The following EXOC2 variants were observed in gnomAD, a reference collection of about 807,000 sequenced individuals.
EXOC2 encodes the protein exocyst complex component 2.
EXOC2 carries 70 observed loss-of-function variants against 131.8 expected under a neutral mutation model. The ratio of observed to expected loss-of-function variants is 0.53; its 90% CI spans 0.44 to 0.65. The LOEUF (loss-of-function observed/expected upper bound fraction) is 0.65, where lower values mean the gene tolerates loss of function less well. Ranked by LOEUF, EXOC2 falls within the 30% of genes least tolerant of loss-of-function variation. The pLI is 0.00. For synonymous variants in EXOC2, 411 were observed against 398.4 expected, an observed-to-expected ratio of 1.03 and a Z score of -0.38; for missense variants, 923 against 1,108.6, an observed-to-expected ratio of 0.83 and a Z score of 2.38.
At chr6:498,045 G>A (rs1208836321) in intron 24 of EXOC2, among the ~76,000 whole-genome samples, 1 of 152,196 alleles carries the variant, frequency 6.6e-6, no homozygotes, top group East Asian at 1.9e-4. Flanking sequence ...CAAACTGAGA[G>A]TTACTGTCTT....
At chr6:594,471 G>A (rs1390229365) in intron 10 of EXOC2, among the ~76,000 whole-genome samples, 1 of 152,186 alleles carries the variant, frequency 6.6e-6, no homozygotes, top group Non-Finnish European at 1.5e-5. Context: ...CAGATTTGGT[G>A]TTAGTAGTAA....
chr6:542,085 T>G (rs2127555410), intron 22 of EXOC2, among the ~76,000 whole-genome samples: 1 of 152,312 alleles, frequency 6.6e-6, no homozygotes, highest in African/African-American at 2.4e-5. Flanking sequence ...AAATATTGTT[T>G]AGAAACCACA....
intron 3 of EXOC2, among the ~76,000 whole-genome samples, chr6:630,526 A>C (rs979696365): frequency 8.5e-5 from 13 of 152,230 alleles, no homozygotes; most frequent in Non-Finnish European, 1.5e-4. Context: ...TTTTATATTT[A>C]ATACTGTGAG....
intron 22 of EXOC2, among the ~76,000 whole-genome samples, chr6:534,386 G>C (rs1406360241): frequency 6.6e-6 from 1 of 152,004 alleles, no homozygotes; most frequent in Non-Finnish European, 1.5e-5. Context: ...GGCAACTACT[G>C]TTAAAGTTTC....
intron 4 of EXOC2, among the ~76,000 whole-genome samples, chr6:629,349 G>GC (rs1761731825): frequency 6.6e-6 from 1 of 152,126 alleles, no homozygotes; most frequent in South Asian, 2.1e-4. Flanking sequence ...CAGTTATAAG[G>GC]CATCTTGAAA....
chr6:503,237 T>C (rs1764333425), intron 23 of EXOC2, among the ~76,000 whole-genome samples: 1 of 152,128 alleles, frequency 6.6e-6, no homozygotes, highest in Non-Finnish European at 1.5e-5. Flanking sequence ...TTCTCATTCA[T>C]TCAACTAACA....
At chr6:638,703 C>T (rs897118789) in intron 1 of EXOC2, among the ~76,000 whole-genome samples, 5 of 152,146 alleles carry the variant, frequency 3.3e-5, no homozygotes, top group Non-Finnish European at 5.9e-5. Flanking sequence ...GAGGCCGAGG[C>T]GGGCGGATCA....
intron 17 of EXOC2, among the ~76,000 whole-genome samples, chr6:557,383 G>A (rs1176032597): frequency 1.3e-5 from 2 of 152,288 alleles, no homozygotes; most frequent in East Asian, 1.9e-4. Context: ...ATTTTGGGAG[G>A]CTGCGGTGGG....
intron 23 of EXOC2, among the ~76,000 whole-genome samples, chr6:509,685 ACAACTGCTATGC>A (rs1194090933): frequency 6.6e-6 from 1 of 152,238 alleles, no homozygotes; most frequent in Non-Finnish European, 1.5e-5. Flanking sequence ...ATTACAATAA[ACAACTGCTATGC>A]CATCTTAACC....
At chr6:686,703 C>G (rs1764670739) in intron 1 of EXOC2, among the ~76,000 whole-genome samples, 1 of 152,186 alleles carries the variant, frequency 6.6e-6, no homozygotes, top group African/African-American at 2.4e-5. Context: ...CTTTATTCCC[C>G]CAGGAACCAT....
chr6:640,555 G>C (rs937730973), intron 1 of EXOC2, among the ~76,000 whole-genome samples: 1 of 152,178 alleles, frequency 6.6e-6, no homozygotes, highest in Non-Finnish European at 1.5e-5. Context: ...TTCAGAAAGG[G>C]GGCCTTTAAA....
intron 11 of EXOC2, among the ~76,000 whole-genome samples, chr6:584,270 A>C (rs1759078113): frequency 6.6e-6 from 1 of 152,234 alleles, no homozygotes; most frequent in Non-Finnish European, 1.5e-5. Context: ...GTAATACCAG[A>C]ATTATATGTA....
chr6:590,279 G>C (rs939619775), intron 11 of EXOC2, among the ~76,000 whole-genome samples: 10 of 152,154 alleles, frequency 6.6e-5, no homozygotes, highest in Admixed American at 6.5e-4. Context: ...AACATTTGCT[G>C]TCATTTTCAC....
In EXOC2 at chr6:654,269, C is replaced by T. The variant is rs561132520; in HGVS notation, c.-43-16408G>A. Among the ~76,000 whole-genome samples the T allele has an allele frequency of 4.3e-4, 66 of 152,208 alleles. 1 individual carries two copies. The highest frequency in any genetic ancestry group is 1.6e-3 in the African/African-American group (66 of 41,512). ...AATAAATTTTGTACGTTTATAGCTGCCATGGATACTGATTCTCTAATGGAT... is the reference window on the plus strand; with the variant it reads ...AATAAATTTTGTACGTTTATAGCTGTCATGGATACTGATTCTCTAATGGAT... On this transcript the variant is annotated intron_variant, in intron 1 of 27. Coordinates refer to ENST00000230449, the MANE Select transcript of EXOC2 (RefSeq NM_018303.6).
chr6:653,996 T>C (rs1762945862), intron 1 of EXOC2, among the ~76,000 whole-genome samples: 1 of 152,242 alleles, frequency 6.6e-6, no homozygotes. Flanking sequence ...CAACAGAGCC[T>C]ACATGACAGC....
At chr6:648,901 T>A (rs572755328) in intron 1 of EXOC2, among the ~76,000 whole-genome samples, 94 of 150,312 alleles carry the variant, frequency 6.3e-4, no homozygotes, top group Middle Eastern at 6.9e-3. Context: ...TTTGTTATAT[T>A]TTTTTTTTAA....
chr6:688,444 C>T (rs545106165), intron 1 of EXOC2, among the ~76,000 whole-genome samples: 5 of 152,276 alleles, frequency 3.3e-5, no homozygotes, highest in East Asian at 1.9e-4. Context: ...AGAACAACAA[C>T]GATACAACTG....
At chr6:533,285 T>C (rs989914279) in intron 22 of EXOC2, among the ~76,000 whole-genome samples, 1 of 152,186 alleles carries the variant, frequency 6.6e-6, no homozygotes, top group African/African-American at 2.4e-5. Flanking sequence ...AATACTAAAT[T>C]GTAATAGCCA....
Position 506,754 on chromosome 6 carries a change from G to A in EXOC2, c.2381-7054C>T, listed in dbSNP as rs1219743164. Among the ~76,000 whole-genome samples the A allele has an allele frequency of 6.6e-6, 1 of 152,082 alleles. No individual in the cohort carries two copies. The highest frequency in any genetic ancestry group is 6.6e-5 in the Admixed American group (1 of 15,258). On this transcript the variant is annotated intron_variant, in intron 23 of 27. Transcript: ENST00000230449. The surrounding 1 kb of genome is among the most constrained non-coding windows in gnomAD (Gnocchi z 4.4). ...AACAAGGCTCATCTCTACTGAGCAA[G>A]AACTTGTAGGCTGTTTCCTGTAAGC...
Sources: gnomAD v4.1 joint callset for allele counts (sites outside exome capture counted in the v4.1 genomes callset) on GRCh38, gnomAD v4.1.1 for gene constraint, Gnocchi (gnomAD v3.1) non-coding constraint, MANE v1.5 for transcripts, NCBI Gene and HGNC (gene_info 2026-07-23, HGNC 2026-07-21) for gene names.